The following ROBO1 variants were observed in gnomAD, a reference collection of about 807,000 sequenced individuals.
The protein encoded by ROBO1 is roundabout guidance receptor 1.
ROBO1 carries 149 observed loss-of-function variants against 195.9 expected under a neutral mutation model. The observed-to-expected ratio is 0.76, with a 90% CI of 0.67 to 0.87. The LOEUF is 0.87. Among genes scored for constraint, ROBO1 ranks in the 40% least tolerant of loss-of-function variants. ROBO1 has a pLI of 0.00. For missense variants in ROBO1, 1,933 were observed against 2,068.3 expected, an observed-to-expected ratio of 0.93 and a Z score of 1.27; for synonymous variants, 816 against 733.2, an observed-to-expected ratio of 1.11 and a Z score of -1.82.
At chr3:79,671,241 C>T (rs1383983929) in intron 1 of ROBO1, among the ~76,000 whole-genome samples, 2 of 151,712 alleles carry the variant, frequency 1.3e-5, no homozygotes, top group Non-Finnish European at 2.9e-5. Flanking sequence ...TTTGTTATGC[C>T]TGTGAATGGA....
chr3:79,031,970 TAAAC>T, intron 3 of ROBO1, among the ~76,000 whole-genome samples: 2 of 152,198 alleles, frequency 1.3e-5, no homozygotes, highest in African/African-American at 4.8e-5. Context: ...CCAATACTCT[TAAAC>T]AATAGTGAGA....
At chr3:79,669,448 T>C (rs1946568946) in intron 1 of ROBO1, among the ~76,000 whole-genome samples, 1 of 151,918 alleles carries the variant, frequency 6.6e-6, no homozygotes, top group South Asian at 2.1e-4. Context: ...CAACACATTA[T>C]GTTTCTTATG....
intron 2 of ROBO1, among the ~76,000 whole-genome samples, chr3:79,213,798 G>A (rs1422572444): frequency 6.9e-6 from 1 of 145,280 alleles, no homozygotes; most frequent in Non-Finnish European, 1.5e-5. Flanking sequence ...TAAGAAGAGA[G>A]AAATAACTCT....
chr3:79,031,332 C>T (rs2078292649), intron 3 of ROBO1, among the ~76,000 whole-genome samples: 1 of 152,056 alleles, frequency 6.6e-6, no homozygotes, highest in Non-Finnish European at 1.5e-5. Flanking sequence ...TTTGAGATTT[C>T]TCCAGGAAAA....
chr3:79,060,800 C>A (rs112015618), intron 3 of ROBO1, among the ~76,000 whole-genome samples: 1 of 152,046 alleles, frequency 6.6e-6, no homozygotes, highest in Non-Finnish European at 1.5e-5. Context: ...AATTCAACAG[C>A]GCTTTATGCT....
chr3:79,693,407 G>A (rs1017737522), intron 1 of ROBO1, among the ~76,000 whole-genome samples: 1 of 150,152 alleles, frequency 6.7e-6, no homozygotes, highest in Non-Finnish European at 1.5e-5. Flanking sequence ...GTGTGTGTGT[G>A]TGTGTGTGTG....
At chr3:79,240,944 AT>A (rs1218780375) in intron 2 of ROBO1, among the ~76,000 whole-genome samples, 1 of 152,064 alleles carries the variant, frequency 6.6e-6, no homozygotes, top group African/African-American at 2.4e-5. Flanking sequence ...GCCATGCCTC[AT>A]TTTTTTAACT....
chr3:79,686,490 A>G (rs1184859473), intron 1 of ROBO1, among the ~76,000 whole-genome samples: 1 of 152,174 alleles, frequency 6.6e-6, no homozygotes, highest in Non-Finnish European at 1.5e-5. Context: ...TCAGCCCAAA[A>G]TCTCCTTAAG....
At chr3:79,613,841 GA>G (rs1338402771) in intron 1 of ROBO1, among the ~76,000 whole-genome samples, 1 of 151,994 alleles carries the variant, frequency 6.6e-6, no homozygotes, top group Admixed American at 6.6e-5. Flanking sequence ...GATGTGTCAT[GA>G]AAACACTAAA....
At chr3:79,243,584 G>C (rs2108887496) in intron 2 of ROBO1, among the ~76,000 whole-genome samples, 1 of 152,258 alleles carries the variant, frequency 6.6e-6, no homozygotes, top group East Asian at 1.9e-4. Flanking sequence ...CTGATGGCCA[G>C]TGATGATGAG....
In ROBO1 at chr3:79,673,346, G is replaced by A. The variant is rs540637583; in HGVS notation, c.-50-83385C>T. Among the ~76,000 whole-genome samples the A allele has an allele frequency of 4.6e-5, 7 of 151,946 alleles. No homozygotes were observed. The South Asian group carries it at 1.2e-3, about 27-fold the overall frequency. On this transcript the variant is annotated intron_variant, in intron 1 of 30. Transcript: ENST00000464233. ...TGTGGGTGTGGGTGTGTGAGGGTGT[G>A]TATAATTTTTAGATCGTAACCAGTA... is the stretch of plus-strand genomic sequence containing the variant.
At chr3:78,661,321 T>C in intron 15 of ROBO1, 60 bp from the exon 16 acceptor site, 1 of 1,067,886 alleles carries the variant, frequency 9.4e-7, no homozygotes, top group Admixed American at 3.3e-5. Context: ...CATCAGAAAA[T>C]AATAAAAATT....
At chr3:79,748,338 T>C (rs1703963478) in intron 1 of ROBO1, among the ~76,000 whole-genome samples, 1 of 152,168 alleles carries the variant, frequency 6.6e-6, no homozygotes, top group African/African-American at 2.4e-5. Flanking sequence ...TATTTTTAAA[T>C]GAATCTGAAT....
intron 2 of ROBO1, among the ~76,000 whole-genome samples, chr3:79,200,206 C>G (rs1305014593): frequency 1.3e-5 from 2 of 151,786 alleles, no homozygotes; most frequent in Admixed American, 1.3e-4. Context: ...TTAACGCAGT[C>G]TTGTGGTTAG....
intron 26 of ROBO1, among the ~76,000 whole-genome samples, chr3:78,621,752 G>A (rs887190217): frequency 3.3e-5 from 5 of 152,100 alleles, no homozygotes; most frequent in Non-Finnish European, 7.4e-5. Flanking sequence ...ACTGTGTATC[G>A]CAACACTCTA....
chr3:78,612,041 T>G (rs1703846739), intron 28 of ROBO1, among the ~76,000 whole-genome samples: 1 of 152,206 alleles, frequency 6.6e-6, no homozygotes, highest in Non-Finnish European at 1.5e-5. Context: ...AAGGATTAAC[T>G]GAGAAGGATC....
chr3:79,693,616 T>G (rs1222635066), intron 1 of ROBO1, among the ~76,000 whole-genome samples: 1 of 151,700 alleles, frequency 6.6e-6, no homozygotes, highest in Non-Finnish European at 1.5e-5. Flanking sequence ...AATTATTTTT[T>G]CACAGAAATT....
intron 2 of ROBO1, among the ~76,000 whole-genome samples, chr3:79,481,190 G>C (rs976943630): frequency 6.6e-6 from 1 of 152,072 alleles, no homozygotes; most frequent in Non-Finnish European, 1.5e-5. Flanking sequence ...AGGAGAGTAT[G>C]AACAGAAATT....
At chr3:79,625,423 GAAAA>G in intron 1 of ROBO1, among the ~76,000 whole-genome samples, 380 of 13,886 alleles carry the variant, frequency 0.027, 11 homozygotes, top group Non-Finnish European at 0.041. Context: ...TGTTTTTTTT[GAAAA>G]AAAAAAAAAA....
Sources: gnomAD v4.1 joint callset for allele counts (sites outside exome capture counted in the v4.1 genomes callset) on GRCh38, gnomAD v4.1.1 for gene constraint, MANE v1.5 for transcripts, NCBI Gene and HGNC (gene_info 2026-07-23, HGNC 2026-07-21) for gene names.